The following GALNTL6 variants were observed in gnomAD, a reference collection of about 807,000 sequenced individuals.
GALNTL6 encodes the protein polypeptide N-acetylgalactosaminyltransferase-like 6.
In GALNTL6, 46 loss-of-function variants were observed where a neutral mutation model predicts 73.7. The ratio of observed to expected loss-of-function variants is 0.62; its 90% CI spans 0.49 to 0.80. The LOEUF is 0.80. Among genes scored for constraint, GALNTL6 ranks in the 30% least tolerant of loss-of-function variants. The pLI is 0.00. For synonymous variants in GALNTL6, 259 were observed against 263.7 expected (o/e 0.98, Z 0.17); for missense variants, 604 against 755.0 (o/e 0.80, Z 2.34).
intron 12 of GALNTL6, among the ~76,000 whole-genome samples, chr4:173,023,784 C>A (rs1381462548): frequency 1.3e-5 from 2 of 152,068 alleles, no homozygotes; most frequent in Non-Finnish European, 2.9e-5. Flanking sequence ...AATAGTAAAA[C>A]CTCGCCGTTT....
chr4:172,712,760 T>C (rs1223594530), intron 5 of GALNTL6, among the ~76,000 whole-genome samples: 1 of 152,210 alleles, frequency 6.6e-6, no homozygotes, highest in East Asian at 1.9e-4. Flanking sequence ...CCTGGAACAC[T>C]GTATGCCTTG....
chr4:172,967,543 T>C (rs2126397567), intron 10 of GALNTL6, among the ~76,000 whole-genome samples: 1 of 152,280 alleles, frequency 6.6e-6, no homozygotes, highest in Non-Finnish European at 1.5e-5. Context: ...ACAGAAGTCT[T>C]CCATTATCCA....
At chr4:172,059,424 G>A (rs1028821888) in intron 2 of GALNTL6, among the ~76,000 whole-genome samples, 2 of 152,122 alleles carry the variant, frequency 1.3e-5, no homozygotes, top group African/African-American at 4.8e-5. Context: ...AATTCAAATG[G>A]TCGATGGAAT....
chr4:172,094,636 CTATT>C (rs1383519130), intron 2 of GALNTL6, among the ~76,000 whole-genome samples: 1 of 151,930 alleles, frequency 6.6e-6, no homozygotes, highest in African/African-American at 2.4e-5. Context: ...CAAAATCATG[CTATT>C]TATTAATTTG....
chr4:172,192,586 G>C (rs1021838145), intron 2 of GALNTL6, among the ~76,000 whole-genome samples: 8 of 152,144 alleles, frequency 5.3e-5, no homozygotes, highest in Non-Finnish European at 1.2e-4. Flanking sequence ...GGCAAAGGGA[G>C]CTGCCACCCC....
At chr4:171,864,215 TA>T (rs540713759) in intron 2 of GALNTL6, among the ~76,000 whole-genome samples, 110 of 152,352 alleles carry the variant, frequency 7.2e-4, no homozygotes, top group African/African-American at 2.6e-3. Flanking sequence ...AGGAAATAAT[TA>T]TCTATAGAAT....
At position 172,924,596 on chromosome 4, in the gene GALNTL6, G is replaced by A. The variant is rs140685785; in HGVS notation, c.1042-6565G>A. ...GAGAAGACAAGGAATAGGAAAGAAG[G>A]AAAGGGAAGAGGAGAAGGTGGGAGA... On this transcript the variant is annotated intron_variant, in intron 8 of 12. Coordinates refer to ENST00000506823, the MANE Select transcript of GALNTL6 (RefSeq NM_001034845.3). 5.2e-3 allele frequency among the ~76,000 whole-genome samples: 799 copies of A among 152,318 alleles called. 10 individuals carry two copies. Among genetic ancestry groups the A allele is most frequent in the African/African-American group, 0.018 (753 of 41,576 alleles).
In GALNTL6 at chr4:172,503,408, A is replaced by G. The variant is rs189729598; in HGVS notation, c.553+154719A>G. 4.4e-3 allele frequency among the ~76,000 whole-genome samples: 671 copies of G among 151,746 alleles called. 4 individuals carry two copies. Among genetic ancestry groups the G allele is most frequent in the African/African-American group, 0.015 (624 of 41,348 alleles). ...TTGGCTCATCCTGACTTTGGTTCCT[A>G]TGTTATATTTCTTATGCAATTGTTT... On this transcript the variant is annotated intron_variant, in intron 5 of 12. Coordinates refer to ENST00000506823, the MANE Select transcript of GALNTL6 (RefSeq NM_001034845.3).
At chr4:172,562,023 A>C (rs2110927743) in intron 5 of GALNTL6, among the ~76,000 whole-genome samples, 1 of 152,296 alleles carries the variant, frequency 6.6e-6, no homozygotes, top group East Asian at 1.9e-4. Flanking sequence ...ACTTTTGGAA[A>C]ATCACCATTT....
At chr4:172,503,133 G>C (rs1159935898) in intron 5 of GALNTL6, among the ~76,000 whole-genome samples, 1 of 152,088 alleles carries the variant, frequency 6.6e-6, no homozygotes, top group Non-Finnish European at 1.5e-5. Flanking sequence ...TAAAGTACTT[G>C]TGTGGGAAGG....
intron 2 of GALNTL6, among the ~76,000 whole-genome samples, chr4:171,995,205 T>C (rs183612373): frequency 2.0e-5 from 3 of 152,098 alleles, no homozygotes; most frequent in African/African-American, 7.2e-5. Flanking sequence ...AATGAGATGG[T>C]GTTAAATAGA....
At chr4:172,612,227 G>T (rs1579242411) in intron 5 of GALNTL6, among the ~76,000 whole-genome samples, 1 of 152,022 alleles carries the variant, frequency 6.6e-6, no homozygotes, top group East Asian at 1.9e-4. Context: ...TTGGGCTTCA[G>T]TTTCTTGACC....
At chr4:171,872,670 C>T (rs919294356) in intron 2 of GALNTL6, among the ~76,000 whole-genome samples, 5 of 152,102 alleles carry the variant, frequency 3.3e-5, no homozygotes, top group Admixed American at 1.3e-4. Context: ...TTGGTAGTTT[C>T]TTGTATTTGC....
intron 10 of GALNTL6, among the ~76,000 whole-genome samples, chr4:172,954,509 C>T (rs763825232): frequency 1.6e-4 from 24 of 152,168 alleles, no homozygotes; most frequent in Non-Finnish European, 7.3e-5. Flanking sequence ...CTCTGTCACA[C>T]AGGCTGGAGT....
At chr4:172,877,994 A>C (rs1745277976) in intron 7 of GALNTL6, among the ~76,000 whole-genome samples, 1 of 152,042 alleles carries the variant, frequency 6.6e-6, no homozygotes, top group African/African-American at 2.4e-5. Flanking sequence ...GAAGATAAAC[A>C]AGTGGGAGAT....
rs879522486 is a variant in GALNTL6 at position 171,825,969 on chromosome 4, T to C, written c.138+11251T>C. On this transcript the variant is annotated intron_variant, in intron 2 of 12. Transcript: ENST00000506823. ...TTGGTTTGTCTGTAATGCTGGGACC[T>C]GTCAGTTTATTCCAAACTACGCAAC... Among the ~76,000 whole-genome samples the C allele has an allele frequency of 1.3e-4, 20 of 152,202 alleles. 2 individuals carry two copies. The highest frequency in any genetic ancestry group is 4.6e-4 in the Admixed American group (7 of 15,266).
intron 2 of GALNTL6, among the ~76,000 whole-genome samples, chr4:172,072,323 T>G (rs1731569711): frequency 6.6e-6 from 1 of 152,198 alleles, no homozygotes; most frequent in Admixed American, 6.5e-5. Context: ...TTTTAGTGAC[T>G]AAGGTTTGGT....
intron 2 of GALNTL6, among the ~76,000 whole-genome samples, chr4:172,087,494 C>T (rs1224130992): frequency 6.6e-6 from 1 of 150,984 alleles, no homozygotes; most frequent in African/African-American, 2.4e-5. Context: ...GAGCACTAAG[C>T]CTATTTTGAA....
chr4:172,218,524 G>T (rs1235784330), intron 2 of GALNTL6, among the ~76,000 whole-genome samples: 1 of 152,004 alleles, frequency 6.6e-6, no homozygotes, highest in Non-Finnish European at 1.5e-5. Context: ...TATGGGTCCT[G>T]CAGTTTCTGC....
Sources: allele counts gnomAD v4.1 joint callset (sites outside exome capture counted in the v4.1 genomes callset), GRCh38; gene constraint gnomAD v4.1.1; transcripts MANE v1.5; gene names NCBI Gene and HGNC (gene_info 2026-07-23, HGNC 2026-07-21).